The following DMAP1 variants were observed in gnomAD, a reference collection of about 807,000 sequenced individuals.
The protein encoded by DMAP1 is DNA methyltransferase 1 associated protein 1.
DMAP1 carries 26 observed loss-of-function variants against 52.7 expected under a neutral mutation model. The observed-to-expected ratio is 0.49, with a 90% confidence interval of 0.36 to 0.68. The LOEUF (loss-of-function observed/expected upper bound fraction) is 0.68, where lower values mean the gene tolerates loss of function less well. Ranked by LOEUF, DMAP1 falls within the 30% of genes least tolerant of loss-of-function variation. DMAP1 has a pLI of 0.00. For missense variants in DMAP1, 439 were observed against 625.2 expected, an observed-to-expected ratio of 0.70 and a Z score of 3.18; for synonymous variants, 231 against 246.0, an observed-to-expected ratio of 0.94 and a Z score of 0.57.
intron 3 of DMAP1, chr1:44,215,529 GAAAT>G: frequency 3.0e-6 from 1 of 333,376 alleles, no homozygotes; most frequent in Middle Eastern, 1.1e-3. Context: ...AACATGTAAG[GAAAT>G]AAATTGGAGT....
Position 44,218,648 on chromosome 1 carries a change from G to C in DMAP1, c.613G>C (p.Val205Leu). 6.2e-7 allele frequency: 1 copy of C among 1,613,944 alleles called. No individual in the cohort carries two copies. Among genetic ancestry groups the C allele is most frequent in the Non-Finnish European group, 8.5e-7 (1 of 1,179,890 alleles). ...CCACATCTGTGCTAAGCTTGCCAACGTGCGGGCTGTGCCAGGCACAGACCT... is the reference window on the plus strand; with the variant it reads ...CCACATCTGTGCTAAGCTTGCCAACCTGCGGGCTGTGCCAGGCACAGACCT... ...YYHICAKLAN[V>L]RAVPGTDLKI... Residue 205 changes from valine to leucine, a missense_variant, in exon 5 of 10, where the codon GTG (valine) becomes CTG (leucine). Coordinates refer to ENST00000372289, the MANE Select transcript of DMAP1 (RefSeq NM_019100.5). The surrounding 1 kb of genome is among the most constrained non-coding windows in gnomAD (Gnocchi z 5.6).
At chr1:44,216,039 T>C (rs1036709651) in intron 3 of DMAP1, 1 of 152,216 alleles carries the variant, frequency 6.6e-6, no homozygotes, top group Non-Finnish European at 1.5e-5. Flanking sequence ...TCCCACACGG[T>C]ACCAAAATTG....
At position 44,220,009 on chromosome 1, in the gene DMAP1, GC is replaced by G. The variant is rs758418548; in HGVS notation, c.1052-6del. ...GCTCTGCCCGTGCTGCCTGCCGCCT[GC>G]CTGCAGAGCTGAGCCCGACACCTAC... On this transcript the variant is annotated splice_polypyrimidine_tract_variant and splice_region_variant and intron_variant, in intron 8 of 9. Transcript: ENST00000372289. 6.3e-7 allele frequency: 1 copy of G among 1,598,078 alleles called. No individual in the cohort carries two copies. The highest frequency in any genetic ancestry group is 1.1e-5 in the South Asian group (1 of 89,660).
chr1:44,219,403 C>T lies in DMAP1; in HGVS notation c.907-3C>T. 14 of 1,581,146 alleles carry T rather than the reference C, an allele frequency of 8.9e-6. No homozygotes were observed. Among genetic ancestry groups the T allele is most frequent in the African/African-American group, 1.4e-5 (1 of 73,664 alleles). Reference sequence around the variant, plus strand: ...TTGGTCTCCATAATGCCTTCTCCCCCAGGCTGTTCCTGAGACTGCAGGCAT... The same window carrying T: ...TTGGTCTCCATAATGCCTTCTCCCCTAGGCTGTTCCTGAGACTGCAGGCAT... On this transcript the variant is annotated splice_polypyrimidine_tract_variant and splice_region_variant and intron_variant, in intron 6 of 9. Transcript: ENST00000372289.
At position 44,218,914 on chromosome 1, in the gene DMAP1, CCT is replaced by C. The variant is rs1643849351; in HGVS notation, c.721-141_721-140del. 3.6e-6 allele frequency: 5 copies of C among 1,408,022 alleles called. No homozygotes were observed. The highest frequency in any genetic ancestry group is 4.8e-6 in the Non-Finnish European group (5 of 1,033,602). The allele number at this position is 1,408,022 out of a possible 1,614,324, so 87.2% of individuals were successfully genotyped here. A position where few individuals can be genotyped will look rare whatever the true frequency, so the allele number is the denominator to read the frequency against. On this transcript the variant is annotated intron_variant, in intron 5 of 9. Coordinates refer to ENST00000372289, the MANE Select transcript of DMAP1 (RefSeq NM_019100.5). The surrounding 1 kb of genome is among the most constrained non-coding windows in gnomAD (Gnocchi z 5.6). ...TTCCTACTTCTCATGGGCCATCCCC[CCT>C]GCTTTTCATAGCCCTTCACCTCCCT...
intron 1 of DMAP1, 30 bp from the exon 2 acceptor site, chr1:44,214,320 G>T: frequency 1.2e-6 from 2 of 1,600,492 alleles, no homozygotes; most frequent in Non-Finnish European, 1.7e-6. Context: ...GGTCTAGGTT[G>T]TGGTTCCTTT....
intron 1 of DMAP1, among the ~76,000 whole-genome samples, chr1:44,214,105 G>C (rs1334259001): frequency 6.6e-6 from 1 of 152,208 alleles, no homozygotes; most frequent in Non-Finnish European, 1.5e-5. Flanking sequence ...TGTGATTTTT[G>C]CAAGATATTG....
Position 44,213,538 on chromosome 1 carries a change from G to A in DMAP1, c.-216G>A. On this transcript the variant is annotated 5_prime_UTR_variant, in exon 1 of 10. Coordinates refer to ENST00000372289, the MANE Select transcript of DMAP1 (RefSeq NM_019100.5). This position sits in a 1 kb window ranked among gnomAD's most constrained non-coding sequence, Gnocchi z 4.5. ...AGCTGCCGGACCCAGGTGCGGAAGT[G>A]CGAGGGCCCAGGTGGCTGAAGGGGC... 2 of 505,230 alleles carry A rather than the reference G, an allele frequency of 4.0e-6. No individual in the cohort carries two copies. The highest frequency in any genetic ancestry group is 3.4e-5 in the East Asian group (1 of 29,418). 31.3% of individuals were successfully genotyped at this position (505,230 alleles called of 1,614,324 possible).
At chr1:44,219,921 G>A in intron 8 of DMAP1, 43 bp downstream of exon 8, 1 of 1,613,784 alleles carries the variant, frequency 6.2e-7, no homozygotes, top group Non-Finnish European at 8.5e-7. Context: ...CCCACCCGAG[G>A]CTGTGGATAT....
chr1:44,218,715 A>C lies in DMAP1; in HGVS notation c.680A>C (p.Lys227Thr). 1.9e-6 allele frequency: 3 copies of C among 1,613,550 alleles called. No individual in the cohort carries two copies. The highest frequency in any genetic ancestry group is 2.5e-6 in the Non-Finnish European group (3 of 1,179,610). Residue 227 changes from lysine (K) to threonine (T), a missense_variant, in exon 5 of 10, where the codon AAG becomes ACG. Around this residue, in one of 3 missense-constraint regions of DMAP1, gnomAD observed 142 missense variants for 149.5 expected, o/e 0.95. Transcript: ENST00000372289. The surrounding 1 kb of genome is among the most constrained non-coding windows in gnomAD (Gnocchi z 5.6). ...VFDAGHERRR[K>T]EQLERLYNRT... ...GATGCTGGGCACGAACGACGGCGGA[A>C]GGAACAGCTTGAGCGTCTCTACAAC...
Position 44,219,002 on chromosome 1 carries a change from C to CTACCCTCACTCCTAGAAG in DMAP1, c.721-52_721-35dup. On this transcript the variant is annotated intron_variant, in intron 5 of 9. Transcript: ENST00000372289. ...GCCCAGCACCCTGTCACCTCCGTGT[C>CTACCCTCACTCCTAGAAG]TACCCTCACTCCTAGAAGTGCCCTC... is the stretch of plus-strand genomic sequence containing the variant. The CTACCCTCACTCCTAGAAG allele has an allele frequency of 5.0e-6, 8 of 1,598,160 alleles. No individual in the cohort carries two copies. The South Asian group carries it at 9.0e-5, about 18-fold the overall frequency.
In DMAP1 at chr1:44,218,527, T is replaced by C; in HGVS notation, c.552+58T>C. ...CTTCTGGGTCTAGCAGGCCCTACTT[T>C]TATGCCATCTCTTCCACATGCCCCT... On this transcript the variant is annotated intron_variant, in intron 4 of 9. Coordinates refer to ENST00000372289, the MANE Select transcript of DMAP1 (RefSeq NM_019100.5). This position sits in a 1 kb window ranked among gnomAD's most constrained non-coding sequence, Gnocchi z 5.6. 1 of 1,609,008 alleles carries C rather than the reference T, an allele frequency of 6.2e-7. No homozygotes were observed. The highest frequency in any genetic ancestry group is 1.7e-5 in the Admixed American group (1 of 59,880).
Position 44,214,836 on chromosome 1 carries a change from T to C in DMAP1, c.331T>C (p.Phe111Leu). Residue 111 changes from phenylalanine (F) to leucine (L), a missense_variant, in exon 3 of 10, where the codon TTC becomes CTC. This residue lies in a region of DMAP1 where 118 missense variants were observed against 189.8 expected (regional missense o/e 0.62). Coordinates refer to ENST00000372289, the MANE Select transcript of DMAP1 (RefSeq NM_019100.5). Reference sequence around the variant, plus strand: ...CCCGGCCCGCAAGGACGGAGCAATGTTCTTCCACTGGCGACGTGCAGCGGA... The same window carrying C: ...CCCGGCCCGCAAGGACGGAGCAATGCTCTTCCACTGGCGACGTGCAGCGGA... ...TNPARKDGAMFFHWRRAAEEG... is the reference protein window; with the variant it reads ...TNPARKDGAMLFHWRRAAEEG... 1 of 1,614,172 alleles carries C rather than the reference T, an allele frequency of 6.2e-7. No homozygotes were observed. Among genetic ancestry groups the C allele is most frequent in the South Asian group, 1.1e-5 (1 of 91,092 alleles).
intron 2 of DMAP1, 42 bp downstream of exon 2, chr1:44,214,483 A>G (rs2154314144): frequency 1.2e-6 from 2 of 1,613,588 alleles, no homozygotes; most frequent in African/African-American, 1.3e-5. Context: ...TTGGCCCCTG[A>G]TTCACCTGCC....
rs773455439 is a variant in DMAP1, at chr1:44,220,036, G to A, written c.1071G>A (p.Thr357=). 36 of 1,601,270 alleles carry A rather than the reference G, an allele frequency of 2.2e-5. 1 individual carries two copies. The highest frequency in any genetic ancestry group is 1.7e-4 in the Middle Eastern group (1 of 6,042). ...ELGVELSPTP[T]EELVHMFNEL... is the part of the protein sequence containing the mutation. Reference sequence around the variant, plus strand: ...CTGCAGAGCTGAGCCCGACACCTACGGAGGAGCTGGTGCACATGTTCAATG... The same window carrying A: ...CTGCAGAGCTGAGCCCGACACCTACAGAGGAGCTGGTGCACATGTTCAATG... Residue 357 remains threonine, a synonymous_variant, in exon 9 of 10, where the codon ACG becomes ACA. Coordinates refer to ENST00000372289, the MANE Select transcript of DMAP1 (RefSeq NM_019100.5).
At position 44,215,021 on chromosome 1, in the gene DMAP1, C is replaced by G. The variant is rs1360043087; in HGVS notation, c.393+123C>G. On this transcript the variant is annotated intron_variant, in intron 3 of 9. Transcript: ENST00000372289. Reference sequence around the variant, plus strand: ...GCTTATGCCCAACTGTGATTACCCACTCAATCCTCGTGGCAAATGCATGCA... The same window carrying G: ...GCTTATGCCCAACTGTGATTACCCAGTCAATCCTCGTGGCAAATGCATGCA... 7.9e-6 allele frequency: 9 copies of G among 1,140,552 alleles called. 1 individual carries two copies. The South Asian group carries it at 1.2e-4, about 15-fold the overall frequency. 70.7% of individuals were successfully genotyped at this position (1,140,552 alleles called of 1,614,324 possible).
chr1:44,213,937 TG>T lies in DMAP1; in HGVS notation c.105+82del. 7.7e-7 allele frequency: 1 copy of T among 1,294,678 alleles called. No homozygotes were observed. The highest frequency in any genetic ancestry group is 1.1e-6 in the Non-Finnish European group (1 of 917,152). The allele number at this position is 1,294,678 out of a possible 1,614,324, so 80.2% of individuals were successfully genotyped here. On this transcript the variant is annotated intron_variant, in intron 1 of 9. Coordinates refer to ENST00000372289, the MANE Select transcript of DMAP1 (RefSeq NM_019100.5). The surrounding 1 kb of genome is among the most constrained non-coding windows in gnomAD (Gnocchi z 4.5). ...GGGAGGAGTGACAACGGGCAAGGGA[TG>T]GGTGCTACACTTACAGTGAGTTGGG...
Position 44,220,289 on chromosome 1 carries a change from G to A in DMAP1, c.1324G>A (p.Ala442Thr), listed in dbSNP as rs560829214. The A allele has an allele frequency of 3.0e-5, 47 of 1,551,082 alleles. No homozygotes were observed. The highest frequency in any genetic ancestry group is 8.1e-5 in the African/African-American group (6 of 73,626). Residue 442 changes from alanine (A) to threonine (T), a missense_variant, in exon 9 of 10, where the codon GCA becomes ACA. By Grantham distance (58) the Ala-to-Thr change is moderately conservative (BLOSUM62 0). This residue lies in a region of DMAP1 where 179 missense variants were observed against 285.9 expected (regional missense o/e 0.63). Transcript: ENST00000372289. Reference protein sequence around the residue: ...PKDTIIDVVGAPLTPNSRKRR... With the variant: ...PKDTIIDVVGTPLTPNSRKRR... ...GGACACCATCATTGATGTGGTGGGCGCACCCCTCACGCCCAATTCGGTAAG... is the reference window on the plus strand; with the variant it reads ...GGACACCATCATTGATGTGGTGGGCACACCCCTCACGCCCAATTCGGTAAG...
At chr1:44,214,548 C>T in intron 2 of DMAP1, 107 bp downstream of exon 2, 1 of 1,612,686 alleles carries the variant, frequency 6.2e-7, no homozygotes, top group Admixed American at 1.7e-5. Context: ...GCAAGGGCTC[C>T]TGCTTGCTTA....
Sources: allele counts gnomAD v4.1 joint callset (sites outside exome capture counted in the v4.1 genomes callset), GRCh38; gene constraint gnomAD v4.1.1; regional missense constraint gnomAD v4.1.1; non-coding constraint Gnocchi (gnomAD v3.1); transcripts MANE v1.5; gene names NCBI Gene and HGNC (gene_info 2026-07-23, HGNC 2026-07-21).